Variants in MLXIPL observed in about 807,000 individuals in gnomAD.
MLXIPL encodes the protein MLX interacting protein like, also known as carbohydrate-responsive element-binding protein.
MLXIPL carries 49 observed loss-of-function variants against 81.5 expected under a neutral mutation model. The ratio of observed to expected loss-of-function variants is 0.60; its 90% CI spans 0.48 to 0.76. MLXIPL has a LOEUF of 0.76. Among genes scored for constraint, MLXIPL ranks in the 30% least tolerant of loss-of-function variants. The probability of loss-of-function intolerance (pLI) is 0.00; values close to 1 mark genes in which losing one functional copy is unlikely to be tolerated. For synonymous variants in MLXIPL, 466 were observed against 485.5 expected, an observed-to-expected ratio of 0.96 and a Z score of 0.53; for missense variants, 1,053 against 1,167.0, an observed-to-expected ratio of 0.90 and a Z score of 1.42.
chr7:73,621,991 C>G (rs1796413978), intron 1 of MLXIPL, among the ~76,000 whole-genome samples: 1 of 126,756 alleles, frequency 7.9e-6, no homozygotes, highest in East Asian at 2.2e-4. Context: ...ATCTCCCTCC[C>G]TCCCTTCCTT....
At chr7:73,601,054 T>A (rs1209505408) in intron 7 of MLXIPL, among the ~76,000 whole-genome samples, 1 of 151,014 alleles carries the variant, frequency 6.6e-6, no homozygotes, top group Non-Finnish European at 1.5e-5. Context: ...AGCTCCCAGT[T>A]TTTTCCCTCC....
At chr7:73,635,278 T>C in the MLXIPL span, among the ~76,000 whole-genome samples, 1 of 152,122 alleles carries the variant, frequency 6.6e-6, no homozygotes, top group Non-Finnish European at 1.5e-5. Flanking sequence ...TCTGAGGCTA[T>C]GAGAGTGGAG....
At chr7:73,632,198 C>A in the MLXIPL span, among the ~76,000 whole-genome samples, 21 of 151,292 alleles carry the variant, frequency 1.4e-4, no homozygotes, top group Non-Finnish European at 2.7e-4. Context: ...GGTGGAGTCT[C>A]ATTATGCTGT....
chr7:73,599,809 C>T lies in MLXIPL; in HGVS notation c.902-114G>A, dbSNP rs58496575. The T allele has an allele frequency of 5.8e-3, 5,962 of 1,029,540 alleles. 218 individuals carry two copies. In the African/African-American group the frequency reaches 0.084, roughly 14 times the overall value. The allele number at this position is 1,029,540 out of a possible 1,614,324, so 63.8% of individuals were successfully genotyped here. The stretch of plus-strand genomic sequence containing the variant: ...TGGCGGGTGGGGACATGGGGACTGG[C>T]GGGCAGAGGGTGGGGGTCCCTTCCA... On this transcript the variant is annotated intron_variant, in intron 7 of 16. Transcript: ENST00000313375.
chr7:73,628,677 C>T (rs1231438585), upstream of MLXIPL, among the ~76,000 whole-genome samples: 1 of 152,196 alleles, frequency 6.6e-6, no homozygotes, highest in Admixed American at 6.5e-5. Flanking sequence ...GCGCCGCACC[C>T]CCTGTTCAGG....
At chr7:73,637,727 T>A in the MLXIPL span, among the ~76,000 whole-genome samples, 19,110 of 152,174 alleles carry the variant, frequency 0.13, 1,272 homozygotes, top group East Asian at 0.19. Context: ...AGACAGCAAC[T>A]TCCTGTGAGC....
chr7:73,618,141 G>T (rs1796108629), intron 1 of MLXIPL, among the ~76,000 whole-genome samples: 1 of 152,154 alleles, frequency 6.6e-6, no homozygotes, highest in Non-Finnish European at 1.5e-5. Context: ...CTGCCACCCA[G>T]GTTGGAGTGC....
Position 73,593,996 on chromosome 7 carries a change from C to G in MLXIPL, c.2441-13G>C. ...GAGTTCAGGACAGCTGGGTGGGAGA[C>G]AGAGAGAGAGAGACAGACACTTCCT... On this transcript the variant is annotated splice_polypyrimidine_tract_variant and intron_variant, in intron 16 of 16. Transcript: ENST00000313375. The G allele has an allele frequency of 1.2e-6, 2 of 1,600,110 alleles. No individual in the cohort carries two copies. Among genetic ancestry groups the G allele is most frequent in the African/African-American group, 1.3e-5 (1 of 74,718 alleles).
At chr7:73,619,623 C>T (rs970755890) in intron 1 of MLXIPL, among the ~76,000 whole-genome samples, 1 of 151,256 alleles carries the variant, frequency 6.6e-6, no homozygotes, top group Non-Finnish European at 1.5e-5. Flanking sequence ...AGTGGGAACC[C>T]GACTCATAAA....
chr7:73,614,213 G>A (rs1256995314), intron 2 of MLXIPL, among the ~76,000 whole-genome samples: 4 of 151,894 alleles, frequency 2.6e-5, no homozygotes, highest in Admixed American at 1.3e-4. Context: ...GCGAAACTTC[G>A]TATTAAAAAA....
rs1795350567 is a variant in MLXIPL, at chr7:73,607,173, G to A, written c.574-155C>T. On this transcript the variant is annotated intron_variant, in intron 4 of 16. Coordinates refer to ENST00000313375, the MANE Select transcript of MLXIPL (RefSeq NM_032951.3). ...TAAGGAGGCCGCTAGGAGACGCTGT[G>A]GCCACACGGTGGCGCTGTCGGCCCG... 4 of 1,260,432 alleles carry A rather than the reference G, an allele frequency of 3.2e-6. No individual in the cohort carries two copies. In the East Asian group the frequency reaches 7.6e-5, roughly 24 times the overall value. The allele number at this position is 1,260,432 out of a possible 1,614,324, so 78.1% of individuals were successfully genotyped here.
intron 2 of MLXIPL, among the ~76,000 whole-genome samples, chr7:73,613,072 A>G (rs1319393040): frequency 2.0e-5 from 3 of 152,204 alleles, no homozygotes; most frequent in Non-Finnish European, 2.9e-5. Flanking sequence ...CTTAGAGGAT[A>G]GGAGCCTGCA....
the MLXIPL span, among the ~76,000 whole-genome samples, chr7:73,638,413 T>C: frequency 1.3e-5 from 2 of 152,238 alleles, no homozygotes; most frequent in South Asian, 4.1e-4. Flanking sequence ...CAAGCGATTT[T>C]CCTGCTTCAG....
At chr7:73,616,664 C>CA (rs1466327697) in intron 1 of MLXIPL, among the ~76,000 whole-genome samples, 2 of 152,002 alleles carry the variant, frequency 1.3e-5, no homozygotes, top group African/African-American at 4.8e-5. Context: ...CCTAGTCCAA[C>CA]ATACTGAAGC....
chr7:73,621,726 GCTCCCTCCCTCCCTCCATCTCCCTCCCTC>G (rs1796373251), intron 1 of MLXIPL, among the ~76,000 whole-genome samples: 1 of 24,562 alleles, frequency 4.1e-5, no homozygotes, highest in African/African-American at 1.6e-4. Flanking sequence ...TCTCTCTCCA[GCTCCCTCCCTCCCTCCATCTCCCTCCCTC>G]CCTCCCTTCC....
At chr7:73,628,699 C>T (rs1796790549), upstream of MLXIPL, among the ~76,000 whole-genome samples, 2 of 152,224 alleles carry the variant, frequency 1.3e-5, no homozygotes, top group Admixed American at 6.5e-5. Flanking sequence ...CACCATTGCC[C>T]AGATAATAGC....
upstream of MLXIPL, among the ~76,000 whole-genome samples, chr7:73,626,066 C>T (rs1419666844): frequency 2.6e-5 from 4 of 152,060 alleles, no homozygotes; most frequent in South Asian, 2.1e-4. Flanking sequence ...TGCAATGGCA[C>T]GATCTCGGCT....
upstream of MLXIPL, among the ~76,000 whole-genome samples, chr7:73,627,650 G>A (rs6460046): frequency 0.11 from 16,179 of 151,986 alleles, 1,037 homozygotes; most frequent in African/African-American, 0.15. Flanking sequence ...CTATTCCTCC[G>A]TAGGCCATTG....
rs868936350 is a variant in MLXIPL, at chr7:73,597,176, C to G, written c.1603+6G>C. 6.3e-6 allele frequency: 10 copies of G among 1,599,886 alleles called. No individual in the cohort carries two copies. The highest frequency in any genetic ancestry group is 8.5e-6 in the Non-Finnish European group (10 of 1,175,904). Reference sequence around the variant, plus strand: ...AGGCTTTCCTCTCCCCGTTGCTGGCCCTCACCTGCTGTGAGCAGCTGTGTG... The same window carrying G: ...AGGCTTTCCTCTCCCCGTTGCTGGCGCTCACCTGCTGTGAGCAGCTGTGTG... On this transcript the variant is annotated splice_donor_region_variant and intron_variant, in intron 9 of 16. Coordinates refer to ENST00000313375, the MANE Select transcript of MLXIPL (RefSeq NM_032951.3).
Sources: allele counts gnomAD v4.1 joint callset (sites outside exome capture counted in the v4.1 genomes callset), GRCh38; gene constraint gnomAD v4.1.1; transcripts MANE v1.5; gene names NCBI Gene and HGNC (gene_info 2026-07-23, HGNC 2026-07-21).